The following RABGAP1L variants were observed in gnomAD, a reference collection of about 807,000 sequenced individuals.
The protein encoded by RABGAP1L is RAB GTPase activating protein 1 like.
RABGAP1L carries 63 observed loss-of-function variants against 137.7 expected under a neutral mutation model. The observed-to-expected ratio is 0.46, with a 90% CI of 0.37 to 0.56. The LOEUF is 0.56. Ranked by LOEUF, RABGAP1L falls within the 20% of genes least tolerant of loss-of-function variation. The pLI is 0.00. For missense variants in RABGAP1L, 1,095 were observed against 1,244.0 expected (o/e 0.88, Z 1.80); for synonymous variants, 431 against 433.7 (o/e 0.99, Z 0.08).
chr1:174,969,147 TG>T, intron 20 of RABGAP1L, 129 bp from the exon 21 acceptor site: 1 of 672,444 alleles, frequency 1.5e-6, no homozygotes, highest in East Asian at 2.7e-5. Flanking sequence ...CCTGCCTTCC[TG>T]TGCCACTTGC....
At chr1:174,796,307 A>G (rs1398674262) in intron 18 of RABGAP1L, among the ~76,000 whole-genome samples, 1 of 152,162 alleles carries the variant, frequency 6.6e-6, no homozygotes, top group Non-Finnish European at 1.5e-5. Context: ...TCAAAAGAAG[A>G]ATGTTCTGTG....
At chr1:174,610,274 C>G (rs1671109241) in intron 13 of RABGAP1L, among the ~76,000 whole-genome samples, 1 of 141,814 alleles carries the variant, frequency 7.1e-6, no homozygotes, top group African/African-American at 2.6e-5. Context: ...TCTCATAGTT[C>G]AATTCCCACC....
chr1:174,195,309 T>C (rs908016051), intron 1 of RABGAP1L, among the ~76,000 whole-genome samples: 27 of 152,198 alleles, frequency 1.8e-4, no homozygotes, highest in Non-Finnish European at 2.8e-4. Context: ...TTGTAGATAA[T>C]CTTTTTTGAT....
At chr1:174,862,197 T>C (rs1388478180) in intron 19 of RABGAP1L, among the ~76,000 whole-genome samples, 1 of 152,202 alleles carries the variant, frequency 6.6e-6, no homozygotes, top group Non-Finnish European at 1.5e-5. Context: ...TTGGAGGGAC[T>C]ATCCTTTCCC....
intron 19 of RABGAP1L, among the ~76,000 whole-genome samples, chr1:174,893,450 T>C (rs1656606375): frequency 6.6e-6 from 1 of 152,142 alleles, no homozygotes; most frequent in South Asian, 2.1e-4. Flanking sequence ...AGACAATCAC[T>C]TGTTAAGAGA....
intron 17 of RABGAP1L, among the ~76,000 whole-genome samples, chr1:174,722,201 T>G (rs1681600664): frequency 1.3e-5 from 2 of 152,176 alleles, no homozygotes. Context: ...GTGCTGTGAT[T>G]ATAGGTGTGA....
At chr1:174,988,863 GAAGA>G (rs774575418) in intron 25 of RABGAP1L, 25 bp downstream of exon 25, 333 of 1,521,446 alleles carry the variant, frequency 2.2e-4, no homozygotes, top group Non-Finnish European at 2.6e-4. Context: ...AAAAGAACAA[GAAGA>G]AAGAATAAAC....
intron 8 of RABGAP1L, among the ~76,000 whole-genome samples, chr1:174,273,528 T>C (rs906937003): frequency 1.6e-4 from 25 of 152,024 alleles, no homozygotes; most frequent in Non-Finnish European, 2.8e-4. Context: ...AAATTAGCTA[T>C]TGATCTATGT....
chr1:174,312,830 C>T (rs1319929180), intron 11 of RABGAP1L, among the ~76,000 whole-genome samples: 6 of 152,114 alleles, frequency 3.9e-5, no homozygotes, highest in Non-Finnish European at 1.5e-5. Flanking sequence ...TTCAGTTTTC[C>T]CAGAACCATT....
chr1:174,396,246 G>A (rs918184427), intron 13 of RABGAP1L, among the ~76,000 whole-genome samples: 1 of 152,046 alleles, frequency 6.6e-6, no homozygotes, highest in African/African-American at 2.4e-5. Flanking sequence ...TTAGACGGTG[G>A]TGACAGTTGC....
intron 1 of RABGAP1L, among the ~76,000 whole-genome samples, chr1:174,214,630 G>T (rs1003021590): frequency 1.3e-5 from 2 of 152,092 alleles, no homozygotes; most frequent in Admixed American, 6.6e-5. Context: ...ACCAGTACTA[G>T]CAAGAAACAC....
intron 14 of RABGAP1L, among the ~76,000 whole-genome samples, chr1:174,680,920 TA>T (rs1411591284): frequency 6.6e-6 from 1 of 151,678 alleles, no homozygotes; most frequent in Non-Finnish European, 1.5e-5. Flanking sequence ...CAGCAACACA[TA>T]ATTGGGCAGG....
intron 17 of RABGAP1L, among the ~76,000 whole-genome samples, chr1:174,733,385 G>C (rs529463335): frequency 6.6e-6 from 1 of 152,100 alleles, no homozygotes; most frequent in Non-Finnish European, 1.5e-5. Context: ...TGCCTGCTTC[G>C]TTTCTCTCTG....
intron 13 of RABGAP1L, among the ~76,000 whole-genome samples, chr1:174,606,745 C>G (rs1364097545): frequency 6.6e-6 from 1 of 152,116 alleles, no homozygotes; most frequent in Non-Finnish European, 1.5e-5. Context: ...GATGTCTATC[C>G]ATTGTTATCT....
At chr1:174,967,137 G>GC (rs1025728127) in intron 20 of RABGAP1L, among the ~76,000 whole-genome samples, 1 of 150,970 alleles carries the variant, frequency 6.6e-6, no homozygotes, top group African/African-American at 2.4e-5. Context: ...GGCAGCGTAA[G>GC]CATTTCCTGT....
chr1:174,316,696 A>G (rs1057483950), intron 11 of RABGAP1L, among the ~76,000 whole-genome samples: 4 of 152,148 alleles, frequency 2.6e-5, no homozygotes, highest in Admixed American at 6.5e-5. Context: ...CTGTACCATC[A>G]GCAGGTGGCA....
intron 13 of RABGAP1L, among the ~76,000 whole-genome samples, chr1:174,598,349 G>C (rs962290614): frequency 1.8e-4 from 12 of 67,644 alleles, no homozygotes; most frequent in African/African-American, 7.0e-4. Flanking sequence ...AAAAAAAAAT[G>C]GTCTGTCTTT....
intron 13 of RABGAP1L, among the ~76,000 whole-genome samples, chr1:174,483,353 T>C (rs1166065934): frequency 6.6e-6 from 1 of 152,196 alleles, no homozygotes; most frequent in East Asian, 1.9e-4. Context: ...ATTGTTTTAA[T>C]TTTTAGCTCC....
At chr1:174,670,193 T>C (rs1412014111) in intron 14 of RABGAP1L, among the ~76,000 whole-genome samples, 1 of 152,142 alleles carries the variant, frequency 6.6e-6, no homozygotes, top group Non-Finnish European at 1.5e-5. Flanking sequence ...GATCTTTCAC[T>C]TCCTTGGTTA....
Sources: allele counts gnomAD v4.1 joint callset (sites outside exome capture counted in the v4.1 genomes callset), GRCh38; gene constraint gnomAD v4.1.1; transcripts MANE v1.5; gene names NCBI Gene and HGNC (gene_info 2026-07-23, HGNC 2026-07-21).